Variants in TAFA4 observed in about 807,000 individuals in gnomAD.
The protein encoded by TAFA4 is TAFA chemokine like family member 4.
In TAFA4, 20 loss-of-function variants were observed where a neutral mutation model predicts 21.1. The observed-to-expected ratio is 0.95, with a 90% CI of 0.67 to 1.38. The LOEUF (loss-of-function observed/expected upper bound fraction) is 1.38. TAFA4 is among the 40% of genes most tolerant of loss of function. The pLI, the probability that TAFA4 is intolerant of heterozygous loss-of-function variation, is 0.00. For missense variants in TAFA4, 211 were observed against 180.9 expected (o/e 1.17, Z -0.95); for synonymous variants, 71 against 67.4 (o/e 1.05, Z -0.26).
chr3:68,738,193 T>C (rs916578031), intron 5 of TAFA4, among the ~76,000 whole-genome samples: 7 of 152,062 alleles, frequency 4.6e-5, no homozygotes, highest in Admixed American at 4.6e-4. Context: ...ACATATTCTA[T>C]GAAGAGGGAA....
chr3:68,737,888 G>A (rs1209804037), intron 5 of TAFA4, among the ~76,000 whole-genome samples: 3 of 152,272 alleles, frequency 2.0e-5, no homozygotes, highest in South Asian at 4.2e-4. Context: ...CTCCATTCCA[G>A]TATGTCCAGC....
chr3:68,854,981 C>G (rs919626928), intron 3 of TAFA4, among the ~76,000 whole-genome samples: 7 of 152,148 alleles, frequency 4.6e-5, no homozygotes, highest in African/African-American at 1.7e-4. Flanking sequence ...TTCTAACACC[C>G]TTGGTTCCAA....
intron 3 of TAFA4, among the ~76,000 whole-genome samples, chr3:68,823,864 A>G (rs1464647732): frequency 6.6e-6 from 1 of 152,242 alleles, no homozygotes; most frequent in African/African-American, 2.4e-5. Flanking sequence ...AGATCTTTTT[A>G]AATGTGTTAA....
chr3:68,810,332 A>T (rs1358663059), intron 3 of TAFA4, among the ~76,000 whole-genome samples: 1 of 152,172 alleles, frequency 6.6e-6, no homozygotes, highest in African/African-American at 2.4e-5. Flanking sequence ...GGTGCAAGAC[A>T]GTGGATGCAG....
At chr3:68,827,698 C>G (rs1039785932) in intron 3 of TAFA4, among the ~76,000 whole-genome samples, 11 of 152,154 alleles carry the variant, frequency 7.2e-5, no homozygotes, top group African/African-American at 2.4e-4. Context: ...TGAAAAGTGT[C>G]TGTTCATATC....
At chr3:68,757,686 T>G (rs1051188170) in intron 3 of TAFA4, among the ~76,000 whole-genome samples, 4 of 152,232 alleles carry the variant, frequency 2.6e-5, no homozygotes, top group Non-Finnish European at 4.4e-5. Flanking sequence ...TGCCCTGAAT[T>G]ATCAGGTTGC....
In TAFA4 at chr3:68,734,978, T is replaced by C. The variant is rs1260885106; in HGVS notation, c.412-1825A>G. ...AAATGCTCTCAGACTTATTTTCCTTTAAAATTATTATTGTACTGATTACAT... is the reference window on the plus strand; with the variant it reads ...AAATGCTCTCAGACTTATTTTCCTTCAAAATTATTATTGTACTGATTACAT... On this transcript the variant is annotated intron_variant, in intron 5 of 5. Transcript: ENST00000295569. Among the ~76,000 whole-genome samples the C allele has an allele frequency of 2.0e-4, 31 of 152,152 alleles. 1 individual carries two copies. The highest frequency in any genetic ancestry group is 1.8e-3 in the Admixed American group (28 of 15,254).
chr3:68,864,377 A>T (rs767031693), intron 3 of TAFA4, among the ~76,000 whole-genome samples: 1 of 152,152 alleles, frequency 6.6e-6, no homozygotes, highest in Non-Finnish European at 1.5e-5. Context: ...GGTTCATGCA[A>T]ATTAAATCTG....
chr3:68,814,761 G>A (rs551780323), intron 3 of TAFA4, among the ~76,000 whole-genome samples: 218 of 152,180 alleles, frequency 1.4e-3, no homozygotes, highest in African/African-American at 4.7e-3. Flanking sequence ...TAGATTCAAC[G>A]CCATACCCAT....
chr3:68,916,333 T>G (rs1324227448), intron 1 of TAFA4: 1 of 152,248 alleles, frequency 6.6e-6, no homozygotes, highest in African/African-American at 2.4e-5. Flanking sequence ...GACAGTTTTC[T>G]TCTTCTTGCC....
intron 3 of TAFA4, among the ~76,000 whole-genome samples, chr3:68,794,353 G>C (rs1703417802): frequency 6.6e-6 from 1 of 151,778 alleles, no homozygotes; most frequent in Admixed American, 6.6e-5. Context: ...AAAGCCACAG[G>C]GTAAATAAAG....
intron 5 of TAFA4, among the ~76,000 whole-genome samples, chr3:68,733,609 A>T (rs924004172): frequency 2.0e-5 from 3 of 152,182 alleles, no homozygotes; most frequent in Admixed American, 1.3e-4. Context: ...CTGCTGTATT[A>T]TCCATTAAAA....
chr3:68,731,789 T>G lies in TAFA4; in HGVS notation c.*1353A>C, dbSNP rs1000386403. 1.3e-5 allele frequency: 2 copies of G among 152,118 alleles called. No homozygotes were observed. Among genetic ancestry groups the G allele is most frequent in the Non-Finnish European group, 2.9e-5 (2 of 68,012 alleles). The allele number at this position is 152,118 out of a possible 1,614,324, so 9.4% of individuals were successfully genotyped here. A position where few individuals can be genotyped will look rare whatever the true frequency, so the allele number is the denominator to read the frequency against. ...TATGCCATCAGCAGGATGAATTTTT[T>G]TACTTATTCATATGATCATAACAAA... is the stretch of plus-strand genomic sequence containing the variant. On this transcript the variant is annotated 3_prime_UTR_variant, in exon 6 of 6. Transcript: ENST00000295569.
chr3:68,932,215 C>A (rs1451571583), intron 1 of TAFA4, 25 bp downstream of exon 1: 1 of 152,210 alleles, frequency 6.6e-6, no homozygotes, highest in Non-Finnish European at 1.5e-5. Context: ...TCTCGCCCCT[C>A]CTTATCCCTT....
chr3:68,809,474 T>C (rs181179737), intron 3 of TAFA4, among the ~76,000 whole-genome samples: 1 of 152,106 alleles, frequency 6.6e-6, no homozygotes, highest in East Asian at 1.9e-4. Context: ...TATGCAAATT[T>C]TAAATAGTGA....
intron 3 of TAFA4, among the ~76,000 whole-genome samples, chr3:68,777,417 G>C (rs1703067541): frequency 6.6e-6 from 1 of 151,946 alleles, no homozygotes; most frequent in African/African-American, 2.4e-5. Flanking sequence ...AGCCAAATGT[G>C]GATACTGCAC....
At chr3:68,768,895 C>G (rs761973151) in intron 3 of TAFA4, among the ~76,000 whole-genome samples, 42 of 152,210 alleles carry the variant, frequency 2.8e-4, no homozygotes, top group Non-Finnish European at 4.1e-4. Context: ...CCATGCTGAA[C>G]CCATAACAGT....
At chr3:68,796,569 C>T (rs1703457655) in intron 3 of TAFA4, among the ~76,000 whole-genome samples, 1 of 152,080 alleles carries the variant, frequency 6.6e-6, no homozygotes, top group African/African-American at 2.4e-5. Context: ...AGCTTCATGA[C>T]ATTAGATTTG....
chr3:68,916,180 A>C (rs1418114283), intron 1 of TAFA4: 1 of 152,258 alleles, frequency 6.6e-6, no homozygotes, highest in Non-Finnish European at 1.5e-5. Context: ...AGAGCTCAGC[A>C]AGTGAAGTCA....
Sources: allele counts gnomAD v4.1 joint callset (sites outside exome capture counted in the v4.1 genomes callset), GRCh38; gene constraint gnomAD v4.1.1; transcripts MANE v1.5; gene names NCBI Gene and HGNC (gene_info 2026-07-23, HGNC 2026-07-21).